DNM3: variants seen among roughly 807,000 people sequenced by gnomAD.
DNM3 encodes dynamin-3.
Under a neutral mutation model 101.6 loss-of-function variants are expected in DNM3, and 47 were observed. The observed-to-expected ratio is 0.46, with a 90% confidence interval of 0.37 to 0.59. The LOEUF (loss-of-function observed/expected upper bound fraction) is 0.59, where lower values mean the gene tolerates loss of function less well. Ranked by LOEUF, DNM3 falls within the 20% of genes least tolerant of loss-of-function variation. The pLI is 0.00. For synonymous variants in DNM3, 385 were observed against 387.9 expected (o/e 0.99, Z 0.09); for missense variants, 849 against 1,085.7 (o/e 0.78, Z 3.06).
rs1477551552 is a variant in DNM3 at position 171,987,784 on chromosome 1, T to A, written c.364T>A (p.Leu122Ile). 6.3e-7 allele frequency: 1 copy of A among 1,576,566 alleles called. No homozygotes were observed. Among genetic ancestry groups the A allele is most frequent in the Admixed American group, 2.0e-5 (1 of 50,742 alleles). Residue 122 changes from leucine to isoleucine, a missense_variant, in exon 3 of 21, where the codon TTA becomes ATA. Physicochemically the swap from Leu to Ile is conservative, Grantham distance 5. Around this residue, in one of 5 missense-constraint regions of DNM3, gnomAD observed 388 missense variants for 483.0 expected, o/e 0.80. Coordinates refer to ENST00000627582, the MANE Select transcript of DNM3 (RefSeq NM_015569.5). The part of the protein sequence containing the change: ...NKGISSIPIN[L>I]RVYSPHVLNL... The stretch of plus-strand genomic sequence containing the variant: ...AGGCATTTCCTCCATACCCATTAAT[T>A]TACGAGTCTATTCCCCACACGGTAA...
chr1:171,861,816 G>A (rs1321241518), intron 1 of DNM3, among the ~76,000 whole-genome samples: 2 of 152,038 alleles, frequency 1.3e-5, no homozygotes, highest in Non-Finnish European at 1.5e-5. Context: ...CAGAGAATGG[G>A]GGGAAATTTT....
intron 6 of DNM3, among the ~76,000 whole-genome samples, chr1:172,034,991 G>A (rs138101384): frequency 3.9e-5 from 6 of 152,134 alleles, no homozygotes; most frequent in African/African-American, 1.4e-4. Flanking sequence ...AAAGAATGTG[G>A]TATTGACAAG....
intron 14 of DNM3, among the ~76,000 whole-genome samples, chr1:172,220,321 C>T (rs1039231028): frequency 3.3e-5 from 5 of 152,010 alleles, no homozygotes; most frequent in African/African-American, 1.2e-4. Flanking sequence ...GAAATTATGA[C>T]AGAGGAGCTG....
chr1:172,326,338 A>T (rs78846153), intron 17 of DNM3, among the ~76,000 whole-genome samples: 229 of 152,242 alleles, frequency 1.5e-3, no homozygotes, highest in African/African-American at 5.2e-3. Context: ...GGTAGAGTCT[A>T]TCTCCTCCTA....
At chr1:172,199,642 T>C (rs2060081056) in intron 14 of DNM3, among the ~76,000 whole-genome samples, 1 of 152,116 alleles carries the variant, frequency 6.6e-6, no homozygotes, top group Non-Finnish European at 1.5e-5. Flanking sequence ...AATTGAATCC[T>C]TCACCATTAT....
chr1:172,123,370 G>A lies in DNM3; in HGVS notation c.1546-7805G>A, dbSNP rs2056432167. Among the ~76,000 whole-genome samples, 4 of 152,170 alleles carry A rather than the reference G, an allele frequency of 2.6e-5. No individual in the cohort carries two copies. The South Asian group carries it at 8.3e-4, about 32-fold the overall frequency. ...GTGAAAATCTATTTTCTACCATATAGCTGGCCACTTACAAGTCACACCTGG... is the reference window on the plus strand; with the variant it reads ...GTGAAAATCTATTTTCTACCATATAACTGGCCACTTACAAGTCACACCTGG... On this transcript the variant is annotated intron_variant, in intron 13 of 20. Transcript: ENST00000627582.
intron 15 of DNM3, among the ~76,000 whole-genome samples, chr1:172,281,574 A>ATC (rs1557927044): frequency 1.3e-5 from 2 of 152,206 alleles, no homozygotes; most frequent in Non-Finnish European, 2.9e-5. Flanking sequence ...ATTGATATAT[A>ATC]TAATTTAGTA....
chr1:172,374,970 A>C (rs1254373129), intron 17 of DNM3, among the ~76,000 whole-genome samples: 2 of 152,068 alleles, frequency 1.3e-5, no homozygotes, highest in Non-Finnish European at 2.9e-5. Flanking sequence ...TGCCTGTTAA[A>C]CAAATAGTAT....
At chr1:171,926,761 T>A (rs1009852211) in intron 2 of DNM3, among the ~76,000 whole-genome samples, 1 of 152,136 alleles carries the variant, frequency 6.6e-6, no homozygotes, top group Admixed American at 6.6e-5. Flanking sequence ...GTAAGATTGG[T>A]TTAACATCTG....
intron 14 of DNM3, among the ~76,000 whole-genome samples, chr1:172,228,933 A>G (rs2061236673): frequency 1.3e-5 from 2 of 152,124 alleles, no homozygotes; most frequent in South Asian, 4.1e-4. Flanking sequence ...TTGTCACCAA[A>G]GACCTCTTCT....
At chr1:171,850,509 G>C (rs1044999688) in intron 1 of DNM3, among the ~76,000 whole-genome samples, 2 of 152,282 alleles carry the variant, frequency 1.3e-5, no homozygotes, top group South Asian at 2.1e-4. Flanking sequence ...AGGGGCAAAG[G>C]CTTGCAATTA....
At chr1:172,350,260 G>T (rs1249183386) in intron 17 of DNM3, among the ~76,000 whole-genome samples, 2 of 151,706 alleles carry the variant, frequency 1.3e-5, no homozygotes. Context: ...AGGACTTTTT[G>T]GCATAGTAAT....
At chr1:172,397,888 TA>T (rs1184173684) in intron 20 of DNM3, among the ~76,000 whole-genome samples, 1 of 152,206 alleles carries the variant, frequency 6.6e-6, no homozygotes, top group Non-Finnish European at 1.5e-5. Context: ...TAATTATTGC[TA>T]CTGAATTGTT....
At chr1:172,224,863 C>T (rs889596647) in intron 14 of DNM3, among the ~76,000 whole-genome samples, 7 of 152,166 alleles carry the variant, frequency 4.6e-5, no homozygotes. Flanking sequence ...AGGATCCAGC[C>T]CTCTTGCCTT....
At chr1:172,331,635 T>G (rs1412512062) in intron 17 of DNM3, among the ~76,000 whole-genome samples, 1 of 152,110 alleles carries the variant, frequency 6.6e-6, no homozygotes, top group Non-Finnish European at 1.5e-5. Context: ...GTATAAAGTG[T>G]CTGGTTCCTA....
chr1:172,299,275 G>T (rs1356454534), intron 15 of DNM3, among the ~76,000 whole-genome samples: 1 of 152,190 alleles, frequency 6.6e-6, no homozygotes, highest in African/African-American at 2.4e-5. Flanking sequence ...AGACCCTGGG[G>T]GCTTTGTGGG....
At position 172,143,355 on chromosome 1, in the gene DNM3, T is replaced by C. The variant is rs184257774; in HGVS notation, c.1659+12067T>C. Among the ~76,000 whole-genome samples the C allele has an allele frequency of 1.8e-3, 273 of 152,244 alleles. 4 individuals carry two copies. Among genetic ancestry groups the C allele is most frequent in the South Asian group, 0.017 (83 of 4,816 alleles). ...GTTTCGGAATAGAAATTAATGGGGG[T>C]TAAGAAAATTAGGGATGAGGCAATA... is the stretch of plus-strand genomic sequence containing the variant. On this transcript the variant is annotated intron_variant, in intron 14 of 20. Coordinates refer to ENST00000627582, the MANE Select transcript of DNM3 (RefSeq NM_015569.5).
intron 18 of DNM3, among the ~76,000 whole-genome samples, chr1:172,380,183 T>C (rs1480744777): frequency 3.3e-5 from 5 of 152,020 alleles, no homozygotes; most frequent in Non-Finnish European, 7.4e-5. Flanking sequence ...GTTTCCTCCA[T>C]ATGTAAAATA....
intron 15 of DNM3, among the ~76,000 whole-genome samples, chr1:172,303,651 G>A (rs1424487977): frequency 2.0e-5 from 3 of 152,174 alleles, no homozygotes; most frequent in African/African-American, 4.8e-5. Flanking sequence ...TACCCACAAA[G>A]GGAAGCACAT....
Sources: allele counts gnomAD v4.1 joint callset (sites outside exome capture counted in the v4.1 genomes callset), GRCh38; gene constraint gnomAD v4.1.1; regional missense constraint gnomAD v4.1.1; transcripts MANE v1.5; gene names NCBI Gene and HGNC (gene_info 2026-07-23, HGNC 2026-07-21).